EPHA5: variants seen among roughly 807,000 people sequenced by gnomAD.
EPHA5 encodes ephrin type-A receptor 5.
In EPHA5, 60 loss-of-function variants were observed where a neutral mutation model predicts 105.0. The observed-to-expected ratio is 0.57, with a 90% CI of 0.46 to 0.71. The LOEUF (loss-of-function observed/expected upper bound fraction) is 0.71, where lower values mean the gene tolerates loss of function less well. Among genes scored for constraint, EPHA5 ranks in the 30% least tolerant of loss-of-function variants. The pLI is 0.00. For synonymous variants in EPHA5, 513 were observed against 449.1 expected, an observed-to-expected ratio of 1.14 and a Z score of -1.80; for missense variants, 1,218 against 1,274.7, an observed-to-expected ratio of 0.96 and a Z score of 0.68.
chr4:65,639,598 G>C (rs563809411), intron 2 of EPHA5, among the ~76,000 whole-genome samples: 124 of 152,270 alleles, frequency 8.1e-4, no homozygotes, highest in African/African-American at 2.8e-3. Context: ...TATGTTTGCT[G>C]AGTTTCCTGA....
intron 5 of EPHA5, among the ~76,000 whole-genome samples, chr4:65,436,257 T>A (rs1177509442): frequency 6.6e-6 from 1 of 151,952 alleles, no homozygotes; most frequent in Non-Finnish European, 1.5e-5. Context: ...ATGGATGATT[T>A]GTATTCTTAA....
chr4:65,528,707 G>C (rs189876375), intron 3 of EPHA5, among the ~76,000 whole-genome samples: 22 of 152,202 alleles, frequency 1.4e-4, no homozygotes, highest in African/African-American at 4.6e-4. Context: ...GGTTAAATCT[G>C]AATTTTAATT....
At chr4:65,527,534 A>G (rs373669042) in intron 3 of EPHA5, among the ~76,000 whole-genome samples, 5 of 152,120 alleles carry the variant, frequency 3.3e-5, no homozygotes, top group Non-Finnish European at 7.4e-5. Flanking sequence ...TTAAAATGCA[A>G]GAAGAATGAA....
At chr4:65,540,679 C>G (rs918317730) in intron 3 of EPHA5, among the ~76,000 whole-genome samples, 1 of 151,008 alleles carries the variant, frequency 6.6e-6, no homozygotes, top group Non-Finnish European at 1.5e-5. Flanking sequence ...TTTATTGAAC[C>G]CCTGGCTGGT....
intron 3 of EPHA5, among the ~76,000 whole-genome samples, chr4:65,499,160 A>T (rs1484011428): frequency 6.6e-6 from 1 of 151,802 alleles, no homozygotes; most frequent in East Asian, 1.9e-4. Context: ...TGTCAGAAGG[A>T]AACTTTCTCA....
intron 5 of EPHA5, among the ~76,000 whole-genome samples, chr4:65,463,941 T>C (rs1728361442): frequency 6.6e-6 from 1 of 151,944 alleles, no homozygotes; most frequent in Non-Finnish European, 1.5e-5. Flanking sequence ...ACTCTTAAAA[T>C]CTATCTAAAA....
intron 5 of EPHA5, among the ~76,000 whole-genome samples, chr4:65,470,585 T>C (rs770012321): frequency 6.6e-6 from 1 of 152,194 alleles, no homozygotes; most frequent in Non-Finnish European, 1.5e-5. Context: ...CTATTAAAGA[T>C]AGCACAGTGA....
At chr4:65,510,544 A>G (rs1439401310) in intron 3 of EPHA5, among the ~76,000 whole-genome samples, 3 of 152,088 alleles carry the variant, frequency 2.0e-5, no homozygotes, top group Non-Finnish European at 4.4e-5. Flanking sequence ...ACATTTCCTT[A>G]TCATAAAATA....
At position 65,441,768 on chromosome 4, in the gene EPHA5, A is replaced by T; in HGVS notation, c.1403-21203T>A. On this transcript the variant is annotated intron_variant, in intron 5 of 16. Transcript: ENST00000613740. Reference sequence around the variant, plus strand: ...ATGGTTTGGAACATTTGGAAATTGAAGGTATCAGAAAAAAAATTCTTCTCA... The same window carrying T: ...ATGGTTTGGAACATTTGGAAATTGATGGTATCAGAAAAAAAATTCTTCTCA... Among the ~76,000 whole-genome samples, 2 of 152,142 alleles carry T rather than the reference A, an allele frequency of 1.3e-5. 1 individual carries two copies. The highest frequency in any genetic ancestry group is 4.1e-4 in the South Asian group (2 of 4,834).
At chr4:65,498,489 A>C (rs1732164193) in intron 3 of EPHA5, among the ~76,000 whole-genome samples, 1 of 152,004 alleles carries the variant, frequency 6.6e-6, no homozygotes, top group Admixed American at 6.6e-5. Context: ...TCAGAGGCAA[A>C]TAGCTCTTTT....
At chr4:65,626,979 T>C (rs1239723988) in intron 2 of EPHA5, among the ~76,000 whole-genome samples, 1 of 152,226 alleles carries the variant, frequency 6.6e-6, no homozygotes, top group Non-Finnish European at 1.5e-5. Flanking sequence ...GTCTCTGTGA[T>C]ATGAATGTGG....
intron 5 of EPHA5, among the ~76,000 whole-genome samples, chr4:65,484,558 T>C (rs1448318886): frequency 6.6e-6 from 1 of 152,136 alleles, no homozygotes; most frequent in Non-Finnish European, 1.5e-5. Context: ...TGGAAAAAGG[T>C]TCCAAGAGTC....
chr4:65,526,051 A>G (rs1735197564), intron 3 of EPHA5, among the ~76,000 whole-genome samples: 1 of 151,834 alleles, frequency 6.6e-6, no homozygotes, highest in Non-Finnish European at 1.5e-5. Context: ...ATTTAGCCCA[A>G]TACCGGGCAC....
intron 7 of EPHA5, among the ~76,000 whole-genome samples, chr4:65,410,856 G>A (rs1475109514): frequency 6.6e-6 from 1 of 152,118 alleles, no homozygotes; most frequent in East Asian, 1.9e-4. Flanking sequence ...AGGAAGTGAT[G>A]CATTTTTAAA....
intron 5 of EPHA5, among the ~76,000 whole-genome samples, chr4:65,435,990 A>G: frequency 6.6e-6 from 1 of 152,078 alleles, no homozygotes; most frequent in East Asian, 1.9e-4. Context: ...CAGTTAAATT[A>G]CACACTTTTT....
intron 13 of EPHA5, among the ~76,000 whole-genome samples, chr4:65,348,633 T>G (rs1722445461): frequency 7.2e-6 from 1 of 138,058 alleles, no homozygotes; most frequent in Non-Finnish European, 1.5e-5. Context: ...TGTTTAGCAG[T>G]TAATAAGAAA....
chr4:65,608,608 A>G (rs1356922963), intron 2 of EPHA5, among the ~76,000 whole-genome samples: 1 of 152,226 alleles, frequency 6.6e-6, no homozygotes, highest in Admixed American at 6.5e-5. Flanking sequence ...CAAACAATAA[A>G]GAGTCAAATA....
At chr4:65,408,913 A>C (rs1466000206) in intron 7 of EPHA5, among the ~76,000 whole-genome samples, 2 of 152,112 alleles carry the variant, frequency 1.3e-5, no homozygotes, top group Non-Finnish European at 2.9e-5. Flanking sequence ...AGGCATTATT[A>C]ACAATAGCAA....
At chr4:65,575,793 A>G (rs952220803) in intron 3 of EPHA5, among the ~76,000 whole-genome samples, 2 of 151,744 alleles carry the variant, frequency 1.3e-5, no homozygotes, top group Non-Finnish European at 2.9e-5. Flanking sequence ...CCTGGTCAAC[A>G]TGGTGAAATC....
Sources: gnomAD v4.1 joint callset for allele counts (sites outside exome capture counted in the v4.1 genomes callset) on GRCh38, gnomAD v4.1.1 for gene constraint, MANE v1.5 for transcripts, NCBI Gene and HGNC (gene_info 2026-07-23, HGNC 2026-07-21) for gene names.